ZNF365: variants seen among roughly 807,000 people sequenced by gnomAD.
ZNF365 encodes the protein protein ZNF365.
ZNF365 carries 22 observed loss-of-function variants against 35.0 expected under a neutral mutation model. The observed-to-expected ratio is 0.63, with a 90% CI of 0.45 to 0.90. ZNF365 has a LOEUF of 0.90. ZNF365 is among the 40% of genes least tolerant of loss of function. The pLI, the probability that ZNF365 is intolerant of heterozygous loss-of-function variation, is 0.00. For synonymous variants in ZNF365, 188 were observed against 196.2 expected (o/e 0.96, Z 0.35); for missense variants, 448 against 500.3 (o/e 0.90, Z 1.00).
chr10:62,408,972 T>C (rs1320725148), intron 3 of ZNF365, among the ~76,000 whole-genome samples: 1 of 152,194 alleles, frequency 6.6e-6, no homozygotes, highest in East Asian at 1.9e-4. Context: ...AGTTGACATC[T>C]GCTCTTCTTT....
chr10:62,460,604 A>G (rs974688281), intron 4 of ZNF365, among the ~76,000 whole-genome samples: 1 of 152,198 alleles, frequency 6.6e-6, no homozygotes, highest in Non-Finnish European at 1.5e-5. Flanking sequence ...ACCTCAGATA[A>G]GTGGGGACTA....
intron 4 of ZNF365, 98 bp from the exon 5 acceptor site, chr10:62,399,430 A>G: frequency 2.0e-6 from 3 of 1,514,316 alleles, no homozygotes. Context: ...TGTAGCATGT[A>G]GGAGAGATTG....
intron 4 of ZNF365, among the ~76,000 whole-genome samples, chr10:62,478,778 G>A (rs1027845912): frequency 2.0e-5 from 3 of 152,146 alleles, no homozygotes; most frequent in African/African-American, 7.2e-5. Context: ...GTTTCACCAT[G>A]TTAGCCAGGA....
intron 3 of ZNF365, among the ~76,000 whole-genome samples, chr10:62,411,913 C>T (rs1839990261): frequency 6.6e-6 from 1 of 151,930 alleles, no homozygotes; most frequent in Admixed American, 6.6e-5. Flanking sequence ...AGATTAACAA[C>T]CTAACACCAT....
intron 3 of ZNF365, among the ~76,000 whole-genome samples, chr10:62,446,820 G>C (rs569444953): frequency 2.6e-5 from 4 of 152,270 alleles, no homozygotes; most frequent in Admixed American, 2.6e-4. Context: ...GCCTGGGACT[G>C]TCAGGAGCGG....
At chr10:62,471,845 C>T (rs1407956674) in intron 4 of ZNF365, among the ~76,000 whole-genome samples, 1 of 152,170 alleles carries the variant, frequency 6.6e-6, no homozygotes, top group African/African-American at 2.4e-5. Flanking sequence ...CCGCAAGAGG[C>T]AGCACTCTAT....
At chr10:62,436,731 T>C (rs1840413410) in intron 3 of ZNF365, among the ~76,000 whole-genome samples, 1 of 152,208 alleles carries the variant, frequency 6.6e-6, no homozygotes, top group African/African-American at 2.4e-5. Context: ...AAGCTAATGA[T>C]GGAAGGACAA....
chr10:62,475,073 C>T (rs1841105886), intron 4 of ZNF365, among the ~76,000 whole-genome samples: 1 of 152,232 alleles, frequency 6.6e-6, no homozygotes. Context: ...TGTCTTGTCC[C>T]TTATGAAATT....
intron 3 of ZNF365, among the ~76,000 whole-genome samples, chr10:62,446,732 C>T (rs1278681908): frequency 1.3e-5 from 2 of 152,096 alleles, no homozygotes; most frequent in Admixed American, 1.3e-4. Context: ...AGTTGCTGGT[C>T]GTTTTGTAGA....
intron 1 of ZNF365, 58 bp from the exon 2 acceptor site, chr10:62,376,123 T>C: frequency 1.3e-6 from 2 of 1,542,172 alleles, no homozygotes; most frequent in South Asian, 1.2e-5. Context: ...TGAGCAGCAA[T>C]CATTTTAGTA....
At chr10:62,471,880 T>C (rs2132491091) in intron 4 of ZNF365, among the ~76,000 whole-genome samples, 1 of 152,374 alleles carries the variant, frequency 6.6e-6, no homozygotes, top group African/African-American at 2.4e-5. Flanking sequence ...TATTTGGTTA[T>C]AAAGTAAAAT....
rs1839796928 is a variant in ZNF365, at chr10:62,399,832, A to G, written c.*43A>G. The G allele has an allele frequency of 1.3e-5, 21 of 1,567,060 alleles. No homozygotes were observed. Among genetic ancestry groups the G allele is most frequent in the Non-Finnish European group, 1.8e-5 (21 of 1,155,090 alleles). ...GACCAATCATCGCTGGGCTTTGGGG[A>G]ACGTTGTTCCAGGAGCCAACAGTAA... On this transcript the variant is annotated 3_prime_UTR_variant, in exon 5 of 5. Coordinates refer to ENST00000395254, the MANE Select transcript of ZNF365 (RefSeq NM_014951.3).
chr10:62,388,656 T>G (rs1839567633), intron 3 of ZNF365, 80 bp downstream of exon 3: 3 of 1,521,974 alleles, frequency 2.0e-6, no homozygotes, highest in African/African-American at 1.4e-5. Context: ...AAAAGGGAGC[T>G]GGGTGACTTG....
intron 4 of ZNF365, 76 bp from the exon 5 acceptor site, chr10:62,399,452 A>C: frequency 1.3e-6 from 2 of 1,558,774 alleles, no homozygotes; most frequent in Admixed American, 3.8e-5. Flanking sequence ...GCCATGAGTA[A>C]TTATTCTTTT....
In ZNF365 at chr10:62,413,159, C is replaced by T. The variant is rs143099130; in HGVS notation, c.924+24583C>T. ...GCATCTGATGTTTTCTATTAGCTCT[C>T]CAACTAATTCTGATATACACCAAAG... On this transcript the variant is annotated intron_variant, in intron 3 of 4. Coordinates refer to the ZNF365 transcript ENST00000395255. Among the ~76,000 whole-genome samples the T allele has an allele frequency of 4.3e-3, 662 of 152,218 alleles. 4 individuals carry two copies. Among genetic ancestry groups the T allele is most frequent in the African/African-American group, 0.015 (617 of 41,520 alleles).
chr10:62,441,962 C>T (rs1056734819), intron 3 of ZNF365, among the ~76,000 whole-genome samples: 4 of 152,080 alleles, frequency 2.6e-5, no homozygotes, highest in South Asian at 2.1e-4. Context: ...TCCGGAGCCC[C>T]GTCAATCAAA....
intron 4 of ZNF365, among the ~76,000 whole-genome samples, chr10:62,462,123 G>A (rs1241483121): frequency 2.0e-5 from 3 of 152,154 alleles, no homozygotes; most frequent in Non-Finnish European, 4.4e-5. Context: ...ACCCAACCAT[G>A]TATACAGGGG....
chr10:62,459,676 CT>C (rs1840814911), intron 3 of ZNF365: 2 of 1,516,510 alleles, frequency 1.3e-6, no homozygotes, highest in Admixed American at 3.8e-5. Flanking sequence ...TGTAGTCTTG[CT>C]GTGACTTATT....
chr10:62,398,073 C>T (rs1419058432), intron 3 of ZNF365, among the ~76,000 whole-genome samples: 1 of 152,106 alleles, frequency 6.6e-6, no homozygotes, highest in Non-Finnish European at 1.5e-5. Context: ...AACTACTGTT[C>T]GATCCAGCAA....
Sources: allele counts gnomAD v4.1 joint callset (sites outside exome capture counted in the v4.1 genomes callset), GRCh38; gene constraint gnomAD v4.1.1; transcripts MANE v1.5; gene names NCBI Gene and HGNC (gene_info 2026-07-23, HGNC 2026-07-21).